Variants in CDYL observed in about 807,000 individuals in gnomAD.
CDYL encodes the protein chromodomain Y like, also known as chromodomain Y-like protein.
CDYL carries 8 observed loss-of-function variants against 47.3 expected under a neutral mutation model. That is an observed-to-expected ratio of 0.17 (90% CI 0.10 to 0.31). The LOEUF (loss-of-function observed/expected upper bound fraction) is 0.31. Among genes scored for constraint, CDYL ranks in the 10% least tolerant of loss-of-function variants. The pLI, the probability that CDYL is intolerant of heterozygous loss-of-function variation, is 1.00. For missense variants in CDYL, 471 were observed against 701.4 expected (o/e 0.67, Z 3.71); for synonymous variants, 266 against 265.0 (o/e 1.00, Z -0.04).
chr6:4,737,008 G>A (rs906383923), intron 3 of CDYL, among the ~76,000 whole-genome samples: 3 of 152,074 alleles, frequency 2.0e-5, no homozygotes, highest in African/African-American at 7.2e-5. Context: ...AAAATATTCT[G>A]GAATTGATAC....
intron 3 of CDYL, among the ~76,000 whole-genome samples, chr6:4,761,965 G>C (rs1384691539): frequency 6.6e-6 from 1 of 152,214 alleles, no homozygotes; most frequent in Non-Finnish European, 1.5e-5. Context: ...AAAACACTGA[G>C]CTAGGGTGGG....
intron 2 of CDYL, among the ~76,000 whole-genome samples, chr6:4,914,827 C>T (rs903956277): frequency 9.2e-5 from 14 of 152,178 alleles, no homozygotes; most frequent in Admixed American, 6.5e-4. Context: ...AGTAACAGCC[C>T]GGCACGGTAC....
intron 2 of CDYL, among the ~76,000 whole-genome samples, chr6:4,909,464 C>T (rs1183930323): frequency 1.3e-5 from 2 of 152,202 alleles, no homozygotes; most frequent in Non-Finnish European, 2.9e-5. Flanking sequence ...TTTTCCAATC[C>T]ATTTCTCACA....
In CDYL at chr6:4,831,585, C is replaced by T. The variant is rs534730086; in HGVS notation, c.24+54778C>T. On this transcript the variant is annotated intron_variant, in intron 1 of 6. Coordinates refer to ENST00000397588, the MANE Select transcript of CDYL (RefSeq NM_004824.4). ...GGGCTCTTTTTTGGTTCCATATGAA[C>T]TTTAAAGTAGTTTTTTCCAATTCTG... 3.6e-3 allele frequency among the ~76,000 whole-genome samples: 551 copies of T among 152,034 alleles called. 3 individuals carry two copies. Among genetic ancestry groups the T allele is most frequent in the Non-Finnish European group, 3.1e-3 (213 of 68,010 alleles).
chr6:4,781,844 G>T (rs1430534034), intron 1 of CDYL, among the ~76,000 whole-genome samples: 1 of 152,166 alleles, frequency 6.6e-6, no homozygotes, highest in African/African-American at 2.4e-5. Flanking sequence ...AGGAGTGATA[G>T]TTTTTATATT....
chr6:4,800,581 A>T (rs1313722391), intron 1 of CDYL, among the ~76,000 whole-genome samples: 1 of 152,104 alleles, frequency 6.6e-6, no homozygotes, highest in Admixed American at 6.5e-5. Context: ...TTCCATTTGG[A>T]CTAGAGATCT....
chr6:4,800,899 G>A (rs1279519500), intron 1 of CDYL, among the ~76,000 whole-genome samples: 1 of 152,310 alleles, frequency 6.6e-6, no homozygotes, highest in East Asian at 1.9e-4. Context: ...TGACTAAGGT[G>A]TGTCTAGAAG....
intron 1 of CDYL, among the ~76,000 whole-genome samples, chr6:4,857,097 A>G (rs1761031719): frequency 6.6e-6 from 1 of 152,218 alleles, no homozygotes; most frequent in African/African-American, 2.4e-5. Context: ...GCCTTTTACA[A>G]TTAGAAAAAC....
At chr6:4,896,002 A>G (rs1357612099) in intron 2 of CDYL, among the ~76,000 whole-genome samples, 1 of 152,156 alleles carries the variant, frequency 6.6e-6, no homozygotes, top group Non-Finnish European at 1.5e-5. Context: ...GGCCCTCACC[A>G]TCATTTTTCT....
chr6:4,878,881 C>G (rs995750506), intron 1 of CDYL, among the ~76,000 whole-genome samples: 6 of 151,876 alleles, frequency 4.0e-5, no homozygotes, highest in African/African-American at 1.5e-4. Context: ...CATTTAAAGG[C>G]ACCATTTCCC....
intron 6 of CDYL, among the ~76,000 whole-genome samples, chr6:4,953,299 G>A (rs931563549): frequency 2.6e-5 from 4 of 151,574 alleles, no homozygotes; most frequent in African/African-American, 4.8e-5. Flanking sequence ...TGAGAGAATC[G>A]CTTGAACCCG....
chr6:4,816,243 C>T (rs1051727458), intron 1 of CDYL, among the ~76,000 whole-genome samples: 21 of 148,746 alleles, frequency 1.4e-4, no homozygotes, highest in African/African-American at 4.5e-4. Flanking sequence ...GCAAATCTCT[C>T]GCGTCCCTGT....
At chr6:4,782,398 CCTTA>C (rs1758640609) in intron 1 of CDYL, among the ~76,000 whole-genome samples, 2 of 152,240 alleles carry the variant, frequency 1.3e-5, no homozygotes, top group South Asian at 2.1e-4. Flanking sequence ...ATTCCTGACT[CCTTA>C]CTTACCTCGA....
In CDYL at chr6:4,743,709, A is replaced by T. The variant is rs193262018; in HGVS notation, c.186+8865A>T. Among the ~76,000 whole-genome samples the T allele has an allele frequency of 2.6e-5, 4 of 152,214 alleles. No homozygotes were observed. In the East Asian group the frequency reaches 7.7e-4, roughly 29 times the overall value. Reference sequence around the variant, plus strand: ...TGGATTTTATTATATATATCATCCAACTCATGGGTGTTGAATTTTATATTG... The same window carrying T: ...TGGATTTTATTATATATATCATCCATCTCATGGGTGTTGAATTTTATATTG... On this transcript the variant is annotated intron_variant, in intron 3 of 8. Transcript: ENST00000328908.
intron 3 of CDYL, among the ~76,000 whole-genome samples, chr6:4,767,879 G>A (rs542976963): frequency 6.6e-6 from 1 of 152,312 alleles, no homozygotes; most frequent in African/African-American, 2.4e-5. Flanking sequence ...TAAACAAAAT[G>A]TAAAAACATC....
chr6:4,710,844 A>G (rs573882374), intron 1 of CDYL, among the ~76,000 whole-genome samples: 57 of 152,234 alleles, frequency 3.7e-4, no homozygotes, highest in African/African-American at 1.3e-3. Flanking sequence ...TGAAATAAGC[A>G]TGCTGACCGT....
At chr6:4,763,366 C>A (rs1581151175) in intron 3 of CDYL, among the ~76,000 whole-genome samples, 1 of 151,912 alleles carries the variant, frequency 6.6e-6, no homozygotes, top group African/African-American at 2.4e-5. Flanking sequence ...ATATTGATTG[C>A]ATAAGCCAAT....
intron 2 of CDYL, among the ~76,000 whole-genome samples, chr6:4,898,615 T>A (rs1395721425): frequency 6.6e-6 from 1 of 152,118 alleles, no homozygotes; most frequent in Non-Finnish European, 1.5e-5. Context: ...TCAGGCAGAA[T>A]GATGTGATGC....
At chr6:4,736,712 T>G (rs1196297069) in intron 3 of CDYL, among the ~76,000 whole-genome samples, 1 of 151,766 alleles carries the variant, frequency 6.6e-6, no homozygotes, top group African/African-American at 2.4e-5. Flanking sequence ...TTTTTTTCCC[T>G]CATAACCCAT....
Sources: allele counts gnomAD v4.1 joint callset (sites outside exome capture counted in the v4.1 genomes callset), GRCh38; gene constraint gnomAD v4.1.1; transcripts MANE v1.5; gene names NCBI Gene and HGNC (gene_info 2026-07-23, HGNC 2026-07-21).